Variants in NBEA observed in about 807,000 individuals in gnomAD.
NBEA encodes the protein neurobeachin.
NBEA carries 44 observed loss-of-function variants against 343.4 expected under a neutral mutation model. The observed-to-expected ratio is 0.13, with a 90% CI of 0.10 to 0.16. The LOEUF (loss-of-function observed/expected upper bound fraction) is 0.16, where lower values mean the gene tolerates loss of function less well. NBEA is among the 10% of genes least tolerant of loss of function. NBEA has a pLI of 1.00. For synonymous variants in NBEA, 1,175 were observed against 1,238.7 expected (o/e 0.95, Z 1.08); for missense variants, 2,555 against 3,631.3 (o/e 0.70, Z 7.62).
At chr13:35,507,613 A>G (rs9530649) in intron 41 of NBEA, among the ~76,000 whole-genome samples, 21,375 of 152,076 alleles carry the variant, frequency 0.14, 1,739 homozygotes, top group East Asian at 0.45. Context: ...GTTCGAGCCA[A>G]AACCTTGGAG....
At chr13:35,022,805 G>A (rs935490877) in intron 1 of NBEA, among the ~76,000 whole-genome samples, 2 of 152,090 alleles carry the variant, frequency 1.3e-5, no homozygotes, top group South Asian at 2.1e-4. Context: ...GACACCCATT[G>A]CACAGAATTT....
intron 51 of NBEA, among the ~76,000 whole-genome samples, chr13:35,648,946 C>T (rs9544888): frequency 0.13 from 19,442 of 151,658 alleles, 1,369 homozygotes; most frequent in South Asian, 0.19. Flanking sequence ...TTGATCTGTG[C>T]AGCAAACCAC....
chr13:35,403,571 G>C (rs2043102073), intron 38 of NBEA, among the ~76,000 whole-genome samples: 2 of 151,988 alleles, frequency 1.3e-5, no homozygotes, highest in Admixed American at 1.3e-4. Context: ...GCTGAAACTG[G>C]ATCCCTTCCT....
intron 10 of NBEA, among the ~76,000 whole-genome samples, chr13:35,073,734 AT>A (rs1174439038): frequency 6.6e-6 from 1 of 152,056 alleles, no homozygotes; most frequent in Admixed American, 6.6e-5. Flanking sequence ...TGAGTCCGGA[AT>A]TTCAAGACAG....
intron 1 of NBEA, among the ~76,000 whole-genome samples, chr13:34,952,907 C>T (rs962346020): frequency 6.6e-6 from 1 of 152,116 alleles, no homozygotes; most frequent in Non-Finnish European, 1.5e-5. Context: ...TTAATGTCCT[C>T]TTCCAACTCC....
At chr13:35,171,575 G>A in intron 26 of NBEA, 123 bp downstream of exon 26, 1 of 767,310 alleles carries the variant, frequency 1.3e-6, no homozygotes, top group East Asian at 3.1e-5. Context: ...AGATTATCTT[G>A]AGATACAGAG....
At chr13:35,204,274 T>C (rs9600292) in intron 31 of NBEA, among the ~76,000 whole-genome samples, 2,928 of 152,228 alleles carry the variant, frequency 0.019, 98 homozygotes, top group African/African-American at 0.067. Context: ...TATTAGTTTG[T>C]TTTCACACTG....
intron 41 of NBEA, among the ~76,000 whole-genome samples, chr13:35,490,257 T>C (rs17052261): frequency 0.01 from 1,585 of 152,068 alleles, 35 homozygotes; most frequent in African/African-American, 0.036. Context: ...TGATCTTCTG[T>C]TGTCTAGAAA....
At chr13:35,471,300 G>C (rs1279074128) in intron 40 of NBEA, among the ~76,000 whole-genome samples, 2 of 152,100 alleles carry the variant, frequency 1.3e-5, no homozygotes, top group African/African-American at 2.4e-5. Context: ...GGGCGGTGTC[G>C]GCGCGAGGGC....
At chr13:35,418,377 G>A (rs772814539) in intron 38 of NBEA, among the ~76,000 whole-genome samples, 47 of 151,964 alleles carry the variant, frequency 3.1e-4, no homozygotes, top group Admixed American at 1.8e-3. Context: ...CTAAATAGAA[G>A]GAGTGATGCA....
intron 46 of NBEA, among the ~76,000 whole-genome samples, chr13:35,586,313 A>T (rs1566366640): frequency 6.6e-6 from 1 of 152,214 alleles, no homozygotes; most frequent in Non-Finnish European, 1.5e-5. Flanking sequence ...GAAACCACTG[A>T]TAGGTGACAA....
At chr13:35,032,519 G>C (rs2062270229) in intron 1 of NBEA, among the ~76,000 whole-genome samples, 1 of 151,304 alleles carries the variant, frequency 6.6e-6, no homozygotes, top group East Asian at 1.9e-4. Context: ...GTAAATTTAA[G>C]TTCCTTATAG....
At chr13:35,650,405 A>C (rs1238544055) in intron 52 of NBEA, among the ~76,000 whole-genome samples, 3 of 152,320 alleles carry the variant, frequency 2.0e-5, no homozygotes, top group Non-Finnish European at 2.9e-5. Context: ...CACACTTCAC[A>C]TGTGTTTCTC....
At chr13:35,578,080 T>C (rs114766390) in intron 45 of NBEA, among the ~76,000 whole-genome samples, 1 of 152,312 alleles carries the variant, frequency 6.6e-6, no homozygotes, top group African/African-American at 2.4e-5. Context: ...ATAACTTAGA[T>C]ATGTTAGCAG....
chr13:35,664,101 C>A (rs117816939), intron 55 of NBEA, among the ~76,000 whole-genome samples: 9,443 of 152,182 alleles, frequency 0.062, 313 homozygotes, highest in South Asian at 0.1. Context: ...TCTGTGGCTT[C>A]CCTCTTGCCA....
At chr13:34,990,787 T>G (rs560448841) in intron 1 of NBEA, among the ~76,000 whole-genome samples, 40 of 152,356 alleles carry the variant, frequency 2.6e-4, no homozygotes, top group Non-Finnish European at 5.4e-4. Context: ...TTTATGCTGT[T>G]TCCTTTTTAA....
chr13:35,350,777 T>C (rs1448370893), intron 37 of NBEA, among the ~76,000 whole-genome samples: 1 of 146,146 alleles, frequency 6.8e-6, no homozygotes, highest in African/African-American at 2.5e-5. Context: ...TGTGTGTAGT[T>C]TACACAAAGA....
rs576418270 is a variant in NBEA, at chr13:35,258,599, C to G, written c.5776+25980C>G. Among the ~76,000 whole-genome samples, 44 of 151,424 alleles carry G rather than the reference C, an allele frequency of 2.9e-4. No individual in the cohort carries two copies. In the South Asian group the frequency reaches 9.2e-3, roughly 32 times the overall value. On this transcript the variant is annotated intron_variant, in intron 34 of 58. Coordinates refer to ENST00000379939, the MANE Select transcript of NBEA (RefSeq NM_001385012.1). ...ATCCATAGACTACAGTTTGTCAACC[C>G]CATTCCTAGAATAAGAAGTAATAAC...
chr13:35,122,133 G>T (rs1190024703), intron 16 of NBEA, among the ~76,000 whole-genome samples: 1 of 152,168 alleles, frequency 6.6e-6, no homozygotes, highest in Non-Finnish European at 1.5e-5. Flanking sequence ...AGGTTAAGTT[G>T]TATATTAGTG....
Sources: allele counts gnomAD v4.1 joint callset (sites outside exome capture counted in the v4.1 genomes callset), GRCh38; gene constraint gnomAD v4.1.1; transcripts MANE v1.5; gene names NCBI Gene and HGNC (gene_info 2026-07-23, HGNC 2026-07-21).